Variants in SLC12A6 observed in about 807,000 individuals in gnomAD.
SLC12A6 encodes the protein K-Cl cotransporter 3.
A neutral mutation model predicts 135.3 loss-of-function variants in SLC12A6; 66 were observed. The observed-to-expected ratio is 0.49, with a 90% CI of 0.40 to 0.60. The LOEUF (loss-of-function observed/expected upper bound fraction) is 0.60. Among genes scored for constraint, SLC12A6 ranks in the 20% least tolerant of loss-of-function variants. The pLI is 0.00. For missense variants in SLC12A6, 1,058 were observed against 1,452.3 expected (o/e 0.73, Z 4.41); for synonymous variants, 513 against 508.8 (o/e 1.01, Z -0.11).
At chr15:34,237,373 G>C (rs1168742635) in intron 22 of SLC12A6, 46 bp downstream of exon 22, 10 of 1,573,308 alleles carry the variant, frequency 6.4e-6, no homozygotes, top group Non-Finnish European at 8.7e-6. Flanking sequence ...GACAGGGAGA[G>C]GAATGGGGGA....
intron 11 of SLC12A6, 37 bp downstream of exon 11, chr15:34,250,862 G>C: frequency 1.3e-6 from 2 of 1,573,238 alleles, no homozygotes; most frequent in Non-Finnish European, 1.8e-6. Flanking sequence ...CCGTGGGTCT[G>C]ACAGCTTCTA....
At chr15:34,334,933 A>G (rs1216593772) in intron 2 of SLC12A6, among the ~76,000 whole-genome samples, 1 of 152,234 alleles carries the variant, frequency 6.6e-6, no homozygotes, top group Non-Finnish European at 1.5e-5. Flanking sequence ...ACTTTTCCAA[A>G]GAATAAAAAT....
chr15:34,329,569 T>C (rs1232201587), intron 2 of SLC12A6, among the ~76,000 whole-genome samples: 3 of 151,938 alleles, frequency 2.0e-5, no homozygotes, highest in African/African-American at 7.3e-5. Flanking sequence ...TTTGGGCTCA[T>C]GATGGAAAGA....
intron 2 of SLC12A6, among the ~76,000 whole-genome samples, chr15:34,280,722 C>A (rs778447070): frequency 6.6e-6 from 1 of 152,140 alleles, no homozygotes; most frequent in Non-Finnish European, 1.5e-5. Context: ...CAAAGAGACA[C>A]CTGCACTGCA....
At chr15:34,305,669 A>T (rs1488568660) in intron 2 of SLC12A6, among the ~76,000 whole-genome samples, 2 of 151,984 alleles carry the variant, frequency 1.3e-5, no homozygotes, top group Non-Finnish European at 2.9e-5. Context: ...GATAATAATT[A>T]TTTAGGTGGA....
At chr15:34,242,833 A>T (rs984727788) in intron 16 of SLC12A6, among the ~76,000 whole-genome samples, 2 of 152,044 alleles carry the variant, frequency 1.3e-5, no homozygotes, top group Admixed American at 6.5e-5. Context: ...GACTGAGACC[A>T]TCCTGGCTAA....
rs898434677 is a variant in SLC12A6, at chr15:34,251,392, C to T, written c.1334-335G>A. ...CATCCTGAGTAGCTGGGACTACAGG[C>T]GCCTGCCACCACGCCCAGCTAATTT... is the stretch of plus-strand genomic sequence containing the variant. On this transcript the variant is annotated intron_variant, in intron 10 of 25. Transcript: ENST00000354181. Among the ~76,000 whole-genome samples the T allele has an allele frequency of 3.3e-5, 5 of 152,122 alleles. 1 individual carries two copies. In the South Asian group the frequency reaches 8.3e-4, roughly 25 times the overall value.
At chr15:34,247,237 G>T (rs1336901321) in intron 13 of SLC12A6, among the ~76,000 whole-genome samples, 1 of 152,156 alleles carries the variant, frequency 6.6e-6, no homozygotes, top group South Asian at 2.1e-4. Flanking sequence ...AGTGTGCAAG[G>T]CTGGGTGCGG....
At chr15:34,242,980 G>A (rs1294450301) in intron 16 of SLC12A6, among the ~76,000 whole-genome samples, 1 of 152,108 alleles carries the variant, frequency 6.6e-6, no homozygotes, top group African/African-American at 2.4e-5. Flanking sequence ...TGCAACCTCC[G>A]ACTCCCGGGT....
intron 2 of SLC12A6, among the ~76,000 whole-genome samples, chr15:34,311,277 C>T (rs1888235546): frequency 6.6e-6 from 1 of 152,014 alleles, no homozygotes; most frequent in Non-Finnish European, 1.5e-5. Flanking sequence ...GAGAAAATCT[C>T]GAACAATTAT....
chr15:34,304,210 G>C (rs1896445993), intron 2 of SLC12A6, among the ~76,000 whole-genome samples: 1 of 151,940 alleles, frequency 6.6e-6, no homozygotes, highest in African/African-American at 2.4e-5. Flanking sequence ...TCCTTAACTT[G>C]CATTTTCAAG....
chr15:34,329,188 G>C (rs1009324658), intron 2 of SLC12A6, among the ~76,000 whole-genome samples: 1 of 152,206 alleles, frequency 6.6e-6, no homozygotes, highest in Non-Finnish European at 1.5e-5. Flanking sequence ...CATTAAGCCA[G>C]AAGGGCAAGG....
intron 2 of SLC12A6, among the ~76,000 whole-genome samples, chr15:34,290,027 A>G (rs139697829): frequency 1.5e-4 from 23 of 152,022 alleles, no homozygotes; most frequent in African/African-American, 5.1e-4. Context: ...TAGCTTTTGA[A>G]TTTGTCTGCT....
intron 2 of SLC12A6, among the ~76,000 whole-genome samples, chr15:34,283,135 G>C (rs1894797732): frequency 6.6e-6 from 1 of 152,154 alleles, no homozygotes; most frequent in South Asian, 2.1e-4. Context: ...CTGAGGTCAG[G>C]AGTTCAAGAC....
At chr15:34,300,618 C>A (rs1896178861) in intron 2 of SLC12A6, among the ~76,000 whole-genome samples, 1 of 151,802 alleles carries the variant, frequency 6.6e-6, no homozygotes, top group African/African-American at 2.4e-5. Context: ...AAGACTCTGT[C>A]TCCACACACA....
intron 24 of SLC12A6, 143 bp from the exon 25 acceptor site, chr15:34,235,457 G>GA: frequency 1.7e-6 from 1 of 591,396 alleles, no homozygotes; most frequent in Non-Finnish European, 2.8e-6. Flanking sequence ...TTTTTGAGAG[G>GA]GAGTTTCGCT....
chr15:34,314,826 T>TAA (rs566307709), intron 2 of SLC12A6: 45 of 136,056 alleles, frequency 3.3e-4, no homozygotes, highest in East Asian at 8.5e-4. Flanking sequence ...TGACCAGCCT[T>TAA]AAAAAAAAAA....
intron 2 of SLC12A6, among the ~76,000 whole-genome samples, chr15:34,333,938 T>C (rs8039126): frequency 0.27 from 40,403 of 151,392 alleles, 5,513 homozygotes; most frequent in South Asian, 0.39. Context: ...GGTGTGGTGG[T>C]GCATGCCTGT....
At chr15:34,260,218 A>T (rs928092943) in intron 4 of SLC12A6, among the ~76,000 whole-genome samples, 10 of 151,974 alleles carry the variant, frequency 6.6e-5, no homozygotes, top group African/African-American at 9.7e-5. Flanking sequence ...TTTGACAATT[A>T]AAAAAAAGGA....
Sources: gnomAD v4.1 joint callset for allele counts (sites outside exome capture counted in the v4.1 genomes callset) on GRCh38, gnomAD v4.1.1 for gene constraint, MANE v1.5 for transcripts, NCBI Gene and HGNC (gene_info 2026-07-23, HGNC 2026-07-21) for gene names.